Variants in ACACA observed in about 807,000 individuals in gnomAD.
The protein encoded by ACACA is acetyl-CoA carboxylase 1.
ACACA carries 103 observed loss-of-function variants against 296.1 expected under a neutral mutation model. The ratio of observed to expected loss-of-function variants is 0.35; its 90% CI spans 0.30 to 0.41. The LOEUF (loss-of-function observed/expected upper bound fraction) is 0.41. Among genes scored for constraint, ACACA ranks in the 10% least tolerant of loss-of-function variants. The pLI is 1.00. For missense variants in ACACA, 1,554 were observed against 2,989.7 expected (o/e 0.52, Z 11.20); for synonymous variants, 953 against 1,038.6 (o/e 0.92, Z 1.58).
chr17:37,105,488 C>A (rs1277178886), intron 52 of ACACA, among the ~76,000 whole-genome samples: 1 of 151,432 alleles, frequency 6.6e-6, no homozygotes. Flanking sequence ...AAAACAAAAA[C>A]AAAACCAAAA....
chr17:37,274,926 A>C (rs2082212513), intron 8 of ACACA, among the ~76,000 whole-genome samples: 1 of 151,896 alleles, frequency 6.6e-6, no homozygotes, highest in Non-Finnish European at 1.5e-5. Context: ...GACAGTGGTC[A>C]TTCCCATTTA....
Position 37,086,086 on chromosome 17 carries a change from C to T in ACACA, c.*1230G>A, listed in dbSNP as rs867617118. ...CCAGTAAGCCTGGAGGACAGCAGCACCATGACTGAGTTGTAAATAATCTTA... is the reference window on the plus strand; with the variant it reads ...CCAGTAAGCCTGGAGGACAGCAGCATCATGACTGAGTTGTAAATAATCTTA... On this transcript the variant is annotated 3_prime_UTR_variant, in exon 56 of 56. Transcript: ENST00000616317. 2 of 338,816 alleles carry T rather than the reference C, an allele frequency of 5.9e-6. No homozygotes were observed. The highest frequency in any genetic ancestry group is 1.1e-5 in the Non-Finnish European group (2 of 189,210). 21.0% of individuals were successfully genotyped at this position (338,816 alleles called of 1,614,324 possible). A position where few individuals can be genotyped will look rare whatever the true frequency, so the allele number is the denominator to read the frequency against.
Position 37,287,590 on chromosome 17 carries a change from A to AAAAAC in ACACA, c.339-2621_339-2620insGTTTT, listed in dbSNP as rs1264156932. On this transcript the variant is annotated intron_variant, in intron 3 of 55. Coordinates refer to ENST00000616317, the MANE Select transcript of ACACA (RefSeq NM_198834.3). ...CTACTAAAAAAAAAAAAAAAAAAAA[A>AAAAAC]CAAATATCCAGGCATGGTGGTGCAC... Among the ~76,000 whole-genome samples the AAAAAC allele has an allele frequency of 6.2e-5, 9 of 144,238 alleles. 1 individual carries two copies. The highest frequency in any genetic ancestry group is 1.4e-4 in the Admixed American group (2 of 14,208). 94.6% of individuals were successfully genotyped at this position (144,238 alleles called of 152,430 possible). A position where few individuals can be genotyped will look rare whatever the true frequency, so the allele number is the denominator to read the frequency against.
chr17:37,301,495 G>T lies in ACACA; in HGVS notation c.339-16525C>A, dbSNP rs551379987. 306 of 606,546 alleles carry T rather than the reference G, an allele frequency of 5.0e-4. 1 individual carries two copies. The African/African-American group carries it at 5.8e-3, about 12-fold the overall frequency. 37.6% of individuals were successfully genotyped at this position (606,546 alleles called of 1,614,324 possible). A position where few individuals can be genotyped will look rare whatever the true frequency, so the allele number is the denominator to read the frequency against. ...CAGTGATGCATTCGCTAGCTTGACT[G>T]CAACACAGTCTGAGTTATACTGCAG... On this transcript the variant is annotated intron_variant, in intron 3 of 55. Transcript: ENST00000616317.
intron 19 of ACACA, among the ~76,000 whole-genome samples, chr17:37,245,506 C>T (rs2080651204): frequency 6.6e-6 from 1 of 152,158 alleles, no homozygotes; most frequent in Admixed American, 6.5e-5. Flanking sequence ...AAGTAAGGAA[C>T]AATTTAATAT....
chr17:37,247,053 T>C (rs1479485672), intron 18 of ACACA, 77 bp from the exon 19 acceptor site: 1 of 1,553,472 alleles, frequency 6.4e-7, no homozygotes, highest in Non-Finnish European at 8.9e-7. Flanking sequence ...ATGTCAACCT[T>C]CAAAGAAAAA....
intron 1 of ACACA, among the ~76,000 whole-genome samples, chr17:37,353,741 G>A (rs1241099272): frequency 6.7e-6 from 1 of 148,552 alleles, no homozygotes; most frequent in Non-Finnish European, 1.5e-5. Flanking sequence ...ATTCATAAAT[G>A]AGGCCTTATA....
At chr17:37,129,216 A>G (rs2143388652) in intron 47 of ACACA, 149 bp downstream of exon 47, 2 of 1,058,536 alleles carry the variant, frequency 1.9e-6, no homozygotes, top group East Asian at 5.0e-5. Flanking sequence ...CTTTTTCTTC[A>G]GAGGGCTGGT....
chr17:37,153,330 G>T (rs2076115649), intron 43 of ACACA, among the ~76,000 whole-genome samples: 2 of 152,214 alleles, frequency 1.3e-5, no homozygotes, highest in Admixed American at 1.3e-4. Context: ...AGGGCACCAT[G>T]ATGAACTCCC....
chr17:37,277,141 T>C, intron 6 of ACACA, 27 bp from the exon 7 acceptor site: 3 of 1,598,308 alleles, frequency 1.9e-6, no homozygotes, highest in Non-Finnish European at 2.6e-6. Flanking sequence ...TATAATTCAT[T>C]CTTAAAATTC....
chr17:37,235,107 C>A lies in ACACA; in HGVS notation c.3122-8G>T, dbSNP rs2080047147. ...CACATTTGTCATAGTGACCTGCACA[C>A]CATGAAAAGAACTGGTTCTCACCCA... On this transcript the variant is annotated splice_polypyrimidine_tract_variant and splice_region_variant and intron_variant, in intron 24 of 55. Coordinates refer to ENST00000616317, the MANE Select transcript of ACACA (RefSeq NM_198834.3). The A allele has an allele frequency of 6.2e-7, 1 of 1,612,730 alleles. No individual in the cohort carries two copies. Among genetic ancestry groups the A allele is most frequent in the African/African-American group, 1.3e-5 (1 of 74,752 alleles).
At chr17:37,280,174 AT>A (rs1472517578) in intron 5 of ACACA, among the ~76,000 whole-genome samples, 1 of 152,030 alleles carries the variant, frequency 6.6e-6, no homozygotes, top group Non-Finnish European at 1.5e-5. Context: ...TTAAAAAAAA[AT>A]CTTTAGTATT....
chr17:37,282,593 G>A (rs1461261649), intron 5 of ACACA, among the ~76,000 whole-genome samples: 1 of 151,972 alleles, frequency 6.6e-6, no homozygotes, highest in Non-Finnish European at 1.5e-5. Flanking sequence ...AGTATAAAAG[G>A]ATAGCTCTTT....
intron 50 of ACACA, among the ~76,000 whole-genome samples, chr17:37,117,361 G>T (rs546474239): frequency 6.6e-6 from 1 of 152,238 alleles, no homozygotes; most frequent in East Asian, 1.9e-4. Flanking sequence ...TCCAGTTAAA[G>T]TTTTCAATAA....
intron 19 of ACACA, among the ~76,000 whole-genome samples, chr17:37,245,856 T>C (rs1372574811): frequency 6.6e-6 from 1 of 152,154 alleles, no homozygotes; most frequent in Non-Finnish European, 1.5e-5. Context: ...AACTTACTAG[T>C]ATGGTTTATA....
intron 45 of ACACA, among the ~76,000 whole-genome samples, chr17:37,138,278 T>C (rs1176755326): frequency 1.5e-4 from 23 of 152,232 alleles, no homozygotes; most frequent in Admixed American, 1.5e-3. Flanking sequence ...CCTAGAATGA[T>C]GAACAGCTAG....
intron 3 of ACACA, among the ~76,000 whole-genome samples, chr17:37,329,878 T>C (rs962646576): frequency 2.0e-5 from 3 of 151,836 alleles, no homozygotes; most frequent in South Asian, 2.1e-4. Context: ...GAGGCGGAGG[T>C]TGCAGTGAGC....
At chr17:37,121,276 G>A (rs1194221456) in intron 50 of ACACA, 79 bp downstream of exon 50, 2 of 1,598,724 alleles carry the variant, frequency 1.3e-6, no homozygotes, top group Non-Finnish European at 1.7e-6. Context: ...CACAGATTCT[G>A]CTGAATCTAT....
intron 1 of ACACA, among the ~76,000 whole-genome samples, chr17:37,380,657 G>C (rs1000319941): frequency 3.9e-5 from 6 of 151,916 alleles, no homozygotes; most frequent in African/African-American, 1.5e-4. Context: ...GAGTCCAGTG[G>C]TGCGATCTTG....
Sources: gnomAD v4.1 joint callset for allele counts (sites outside exome capture counted in the v4.1 genomes callset) on GRCh38, gnomAD v4.1.1 for gene constraint, MANE v1.5 for transcripts, NCBI Gene and HGNC (gene_info 2026-07-23, HGNC 2026-07-21) for gene names.